Variants in CPED1 observed in about 807,000 individuals in gnomAD.
CPED1 encodes cadherin like and PC-esterase domain containing 1.
Under a neutral mutation model 128.2 loss-of-function variants are expected in CPED1, and 114 were observed. That is an observed-to-expected ratio of 0.89 (90% CI 0.76 to 1.04). The LOEUF (loss-of-function observed/expected upper bound fraction) is 1.04. Among genes scored for constraint, CPED1 ranks in the 50% least tolerant of loss-of-function variants. CPED1 has a pLI of 0.00. For synonymous variants in CPED1, 462 were observed against 426.7 expected, an observed-to-expected ratio of 1.08 and a Z score of -1.02; for missense variants, 1,211 against 1,207.1, an observed-to-expected ratio of 1.00 and a Z score of -0.05.
At chr7:121,269,525 C>T (rs1188307680) in intron 21 of CPED1, among the ~76,000 whole-genome samples, 2 of 152,124 alleles carry the variant, frequency 1.3e-5, no homozygotes, top group African/African-American at 4.8e-5. Context: ...AATGGGATTG[C>T]TGGGTCAAAT....
rs146132853 is a variant in CPED1, at chr7:121,105,046, C to T, written c.918+4952C>T. On this transcript the variant is annotated intron_variant, in intron 7 of 22. Coordinates refer to ENST00000310396, the MANE Select transcript of CPED1 (RefSeq NM_024913.5). Reference sequence around the variant, plus strand: ...TAAGTTCTAAATCACCAGCTCTCTACCACCGCTGCACTGGCCTTCAGGGGA... The same window carrying T: ...TAAGTTCTAAATCACCAGCTCTCTATCACCGCTGCACTGGCCTTCAGGGGA... Among the ~76,000 whole-genome samples, 10 of 152,168 alleles carry T rather than the reference C, an allele frequency of 6.6e-5. No homozygotes were observed. The East Asian group carries it at 1.2e-3, about 18-fold the overall frequency.
At chr7:121,202,327 G>A (rs1163256035) in intron 16 of CPED1, among the ~76,000 whole-genome samples, 1 of 152,114 alleles carries the variant, frequency 6.6e-6, no homozygotes, top group African/African-American at 2.4e-5. Flanking sequence ...ACAAGAATAC[G>A]GCAACCAGTC....
At chr7:121,181,402 G>A (rs1337371834) in intron 16 of CPED1, among the ~76,000 whole-genome samples, 1 of 152,050 alleles carries the variant, frequency 6.6e-6, no homozygotes, top group African/African-American at 2.4e-5. Context: ...AAGAATGACT[G>A]TCCCCAGGAA....
chr7:121,151,588 C>G (rs1166974063), intron 16 of CPED1, among the ~76,000 whole-genome samples: 1 of 152,174 alleles, frequency 6.6e-6, no homozygotes, highest in Admixed American at 6.5e-5. Context: ...CAAATTGCCA[C>G]CAAATCTAAT....
chr7:121,103,467 A>C (rs547486482), intron 7 of CPED1, among the ~76,000 whole-genome samples: 1 of 152,322 alleles, frequency 6.6e-6, no homozygotes, highest in East Asian at 1.9e-4. Context: ...TATTTCAGTT[A>C]AAACAAATAG....
intron 4 of CPED1, among the ~76,000 whole-genome samples, chr7:121,056,730 G>A (rs1259425665): frequency 6.6e-6 from 1 of 151,940 alleles, no homozygotes; most frequent in East Asian, 1.9e-4. Flanking sequence ...TTTGTCATGG[G>A]TTAAACCTCT....
chr7:121,267,345 A>G (rs1184755035), intron 21 of CPED1, 43 bp downstream of exon 21: 10 of 1,170,096 alleles, frequency 8.5e-6, no homozygotes, highest in South Asian at 1.4e-5. Flanking sequence ...CATGATTCCT[A>G]TAAGGATCCC....
chr7:121,259,476 G>A (rs1426435884), intron 18 of CPED1, among the ~76,000 whole-genome samples: 1 of 151,760 alleles, frequency 6.6e-6, no homozygotes, highest in Non-Finnish European at 1.5e-5. Context: ...ATGTACATAG[G>A]TTTTGTGATA....
At chr7:121,244,382 C>G in intron 18 of CPED1, 44 bp downstream of exon 18, 1 of 1,606,686 alleles carries the variant, frequency 6.2e-7, no homozygotes, top group Non-Finnish European at 8.5e-7. Context: ...TGTATGCCAC[C>G]TGAAGTACTA....
intron 16 of CPED1, among the ~76,000 whole-genome samples, chr7:121,219,497 TA>T (rs1235007025): frequency 2.0e-5 from 3 of 152,102 alleles, no homozygotes; most frequent in African/African-American, 7.2e-5. Context: ...TTTCCAATAT[TA>T]ATGTCATATT....
intron 16 of CPED1, among the ~76,000 whole-genome samples, chr7:121,183,401 A>T (rs886473882): frequency 6.6e-6 from 1 of 152,228 alleles, no homozygotes. Context: ...GTTTGAGAAT[A>T]TAAAGGACCC....
chr7:121,227,400 A>G (rs767023041), intron 16 of CPED1, among the ~76,000 whole-genome samples: 1 of 152,100 alleles, frequency 6.6e-6, no homozygotes, highest in Non-Finnish European at 1.5e-5. Flanking sequence ...CTGGGCTTAC[A>G]TCGTGGATGG....
At chr7:121,292,191 G>A (rs1792718353) in intron 22 of CPED1, among the ~76,000 whole-genome samples, 1 of 151,732 alleles carries the variant, frequency 6.6e-6, no homozygotes, top group African/African-American at 2.4e-5. Context: ...CATATTTCTT[G>A]GAGGCTTTGT....
intron 12 of CPED1, among the ~76,000 whole-genome samples, chr7:121,131,621 A>G (rs577166211): frequency 1.2e-4 from 19 of 152,086 alleles, no homozygotes; most frequent in African/African-American, 4.6e-4. Flanking sequence ...CTGATCTTAA[A>G]TTTAGAAGAT....
At chr7:121,138,719 A>C (rs192212163) in intron 14 of CPED1, among the ~76,000 whole-genome samples, 1 of 152,118 alleles carries the variant, frequency 6.6e-6, no homozygotes, top group South Asian at 2.1e-4. Context: ...TCTATGTTTT[A>C]TTTTGAAAAA....
intron 16 of CPED1, among the ~76,000 whole-genome samples, chr7:121,207,175 C>T (rs1035037119): frequency 5.3e-5 from 8 of 151,770 alleles, no homozygotes; most frequent in Non-Finnish European, 1.5e-5. Flanking sequence ...TTTTCTTATG[C>T]TTTGCTACCA....
intron 16 of CPED1, among the ~76,000 whole-genome samples, chr7:121,215,355 T>C (rs1361407520): frequency 1.3e-5 from 2 of 152,082 alleles, no homozygotes; most frequent in Non-Finnish European, 2.9e-5. Context: ...GTTCAGCAAG[T>C]ATTTATTATT....
At chr7:121,039,028 A>G (rs994222061) in intron 3 of CPED1, among the ~76,000 whole-genome samples, 1 of 151,998 alleles carries the variant, frequency 6.6e-6, no homozygotes, top group African/African-American at 2.4e-5. Flanking sequence ...CTCTTTCCAT[A>G]TTGAACTACT....
chr7:121,294,592 T>C (rs1792782392), intron 22 of CPED1, among the ~76,000 whole-genome samples: 1 of 152,060 alleles, frequency 6.6e-6, no homozygotes, highest in South Asian at 2.1e-4. Flanking sequence ...TTATATGCCA[T>C]TGGAAAAGGG....
Sources: allele counts gnomAD v4.1 joint callset (sites outside exome capture counted in the v4.1 genomes callset), GRCh38; gene constraint gnomAD v4.1.1; transcripts MANE v1.5; gene names NCBI Gene and HGNC (gene_info 2026-07-23, HGNC 2026-07-21).